The following CLASP1 variants were observed in gnomAD, a reference collection of about 807,000 sequenced individuals.
CLASP1 encodes cytoplasmic linker associated protein 1, also known as CLIP-associating protein 1.
CLASP1 carries 38 observed loss-of-function variants against 192.3 expected under a neutral mutation model. That is an observed-to-expected ratio of 0.20 (90% CI 0.15 to 0.26). The LOEUF is 0.26. Ranked by LOEUF, CLASP1 falls within the 10% of genes least tolerant of loss-of-function variation. The pLI is 1.00. For missense variants in CLASP1, 1,433 were observed against 1,932.5 expected (o/e 0.74, Z 4.85); for synonymous variants, 691 against 712.8 (o/e 0.97, Z 0.49).
In CLASP1 at chr2:121,472,378, G is replaced by A. The variant is rs548290687; in HGVS notation, c.713-2418C>T. On this transcript the variant is annotated intron_variant, in intron 8 of 39. Transcript: ENST00000263710. ...TATAAAAGAACTACGTGCAGGCACC[G>A]GACAACGGGCAGTTCAGAACTTGGC... Among the ~76,000 whole-genome samples, 12 of 152,238 alleles carry A rather than the reference G, an allele frequency of 7.9e-5. No individual in the cohort carries two copies. The South Asian group carries it at 1.5e-3, about 18-fold the overall frequency.
chr2:121,354,762 G>C (rs1184537703), intron 37 of CLASP1, among the ~76,000 whole-genome samples: 1 of 152,172 alleles, frequency 6.6e-6, no homozygotes, highest in Non-Finnish European at 1.5e-5. Flanking sequence ...CAATATCTGA[G>C]GTCCCCTGGG....
intron 32 of CLASP1, among the ~76,000 whole-genome samples, chr2:121,383,289 C>A (rs927696964): frequency 1.3e-5 from 2 of 152,210 alleles, no homozygotes; most frequent in Middle Eastern, 3.2e-3. Context: ...GCTAGTCTCC[C>A]CTGAGCACAG....
At chr2:121,530,955 C>A (rs983845260) in intron 2 of CLASP1, 1 of 700,426 alleles carries the variant, frequency 1.4e-6, no homozygotes, top group South Asian at 1.5e-5. Flanking sequence ...GCCTGAACAA[C>A]ACACCCGCAT....
intron 16 of CLASP1, among the ~76,000 whole-genome samples, chr2:121,450,167 T>C (rs1231531904): frequency 6.6e-6 from 1 of 151,902 alleles, no homozygotes; most frequent in Non-Finnish European, 1.5e-5. Context: ...ATGTGTCTAC[T>C]AAAAATACAA....
At chr2:121,346,542 C>A (rs1042898075) in intron 39 of CLASP1, among the ~76,000 whole-genome samples, 1 of 152,222 alleles carries the variant, frequency 6.6e-6, no homozygotes, top group South Asian at 2.1e-4. Context: ...AGGTCTGTGC[C>A]GTGGGGCACG....
rs34423741 is a variant in CLASP1, at chr2:121,555,988, C to CTTTTTTTTTTTT, written c.196-25675_196-25664dup. ...CACGGCGCCTGCCCCCTACCCACCG[C>CTTTTTTTTTTTT]TTTTTTTTTTTTTTTTTTTTTTTTT... On this transcript the variant is annotated intron_variant, in intron 2 of 39. Transcript: ENST00000263710. Among the ~76,000 whole-genome samples the CTTTTTTTTTTTT allele has an allele frequency of 5.9e-4, 25 of 42,396 alleles. 2 individuals carry two copies. The highest frequency in any genetic ancestry group is 1.2e-3 in the South Asian group (1 of 860). The allele number at this position is 42,396 out of a possible 152,430, so 27.8% of individuals were successfully genotyped here.
At chr2:121,343,038 C>T (rs1195325201) in intron 39 of CLASP1, among the ~76,000 whole-genome samples, 1 of 152,152 alleles carries the variant, frequency 6.6e-6, no homozygotes, top group Non-Finnish European at 1.5e-5. Flanking sequence ...GCGTGAGCCA[C>T]CCACTCCTGG....
chr2:121,408,939 T>G (rs972801492), intron 24 of CLASP1: 1 of 1,064,072 alleles, frequency 9.4e-7, no homozygotes, highest in Non-Finnish European at 1.4e-6. Context: ...CTATACTACA[T>G]TTTTTGGTTT....
At chr2:121,473,313 T>C (rs1220037944) in intron 8 of CLASP1, among the ~76,000 whole-genome samples, 1 of 152,090 alleles carries the variant, frequency 6.6e-6, no homozygotes, top group Non-Finnish European at 1.5e-5. Context: ...ATATCTGAAA[T>C]GAAAATTTCA....
intron 1 of CLASP1, among the ~76,000 whole-genome samples, chr2:121,624,687 G>T (rs1167599082): frequency 6.6e-6 from 1 of 152,192 alleles, no homozygotes; most frequent in Non-Finnish European, 1.5e-5. Flanking sequence ...AAACTGCTGG[G>T]ATTACAGGCA....
intron 8 of CLASP1, among the ~76,000 whole-genome samples, chr2:121,498,201 C>CTT (rs70954551): frequency 1.7e-4 from 20 of 119,126 alleles, no homozygotes; most frequent in South Asian, 2.8e-4. Context: ...GTAATAGTTT[C>CTT]TTTTTTTTTT....
At chr2:121,530,793 C>T (rs1050276892) in intron 2 of CLASP1, 5 of 592,904 alleles carry the variant, frequency 8.4e-6, no homozygotes, top group Middle Eastern at 4.5e-4. Context: ...AGCTACCAGA[C>T]CGACTAGGGC....
chr2:121,603,103 T>C (rs2063984086), intron 2 of CLASP1: 1 of 150,906 alleles, frequency 6.6e-6, no homozygotes, highest in Non-Finnish European at 1.5e-5. Flanking sequence ...CAGTGGGGAG[T>C]TGTATACCAA....
chr2:121,447,001 G>A (rs776129072), intron 19 of CLASP1, among the ~76,000 whole-genome samples: 12 of 152,170 alleles, frequency 7.9e-5, no homozygotes, highest in Non-Finnish European at 1.6e-4. Flanking sequence ...TGTCAGAGGG[G>A]GAAAAAACTT....
In CLASP1 at chr2:121,603,224, T is replaced by TTATA. The variant is rs199543776; in HGVS notation, c.195+2473_195+2476dup. 1.9e-3 allele frequency: 287 copies of TTATA among 150,258 alleles called. 1 individual carries two copies. The highest frequency in any genetic ancestry group is 5.6e-3 in the African/African-American group (229 of 40,956). The allele number at this position is 150,258 out of a possible 1,614,324, so 9.3% of individuals were successfully genotyped here. A position where few individuals can be genotyped will look rare whatever the true frequency, so the allele number is the denominator to read the frequency against. On this transcript the variant is annotated intron_variant, in intron 2 of 39. Transcript: ENST00000263710. ...CAAACATCTCAACAGAAAAAAAAAA[T>TTATA]TATATATATATACATATCCAATTTT... is the stretch of plus-strand genomic sequence containing the variant.
chr2:121,430,648 C>T (rs2081236046), intron 19 of CLASP1, among the ~76,000 whole-genome samples: 1 of 152,024 alleles, frequency 6.6e-6, no homozygotes, highest in Non-Finnish European at 1.5e-5. Flanking sequence ...ATAAAAAAGT[C>T]TACCTTCTTA....
At position 121,367,788 on chromosome 2, in the gene CLASP1, C is replaced by G. The variant is rs369750810; in HGVS notation, c.3686G>C (p.Arg1229Pro). 1.2e-5 allele frequency: 20 copies of G among 1,613,670 alleles called. No homozygotes were observed. The highest frequency in any genetic ancestry group is 7.7e-5 in the South Asian group (7 of 91,088). The change falls in exon 35 of 40, where the codon CGG becomes CCG. Residue 1229 changes from arginine (R) to proline (P), a missense_variant. Transcript: ENST00000263710. Reference sequence around the variant, plus strand: ...GCCTCCTTCTACTTCACTACCCCCCCGGCCCTCAGTGGCAGGGGAGGCAGC... The same window carrying G: ...GCCTCCTTCTACTTCACTACCCCCCGGGCCCTCAGTGGCAGGGGAGGCAGC...
chr2:121,559,399 A>C (rs1325053860), intron 2 of CLASP1, among the ~76,000 whole-genome samples: 2 of 152,338 alleles, frequency 1.3e-5, no homozygotes, highest in South Asian at 2.1e-4. Context: ...ATGAATATTC[A>C]TAACAGTATT....
chr2:121,469,994 A>T (rs2090382929), intron 8 of CLASP1, 34 bp from the exon 9 acceptor site: 6 of 1,538,428 alleles, frequency 3.9e-6, no homozygotes, highest in African/African-American at 1.4e-5. Context: ...ACGTTTTTTT[A>T]AAAACAAAAA....
Sources: gnomAD v4.1 joint callset for allele counts (sites outside exome capture counted in the v4.1 genomes callset) on GRCh38, gnomAD v4.1.1 for gene constraint, MANE v1.5 for transcripts, NCBI Gene and HGNC (gene_info 2026-07-23, HGNC 2026-07-21) for gene names.